CELF4: variants seen among roughly 807,000 people sequenced by gnomAD.
CELF4 encodes the protein CUG-BP- and ETR-3-like factor 4.
CELF4 carries 18 observed loss-of-function variants against 59.9 expected under a neutral mutation model. The ratio of observed to expected loss-of-function variants is 0.30; its 90% confidence interval spans 0.21 to 0.45. The LOEUF is 0.45. Among genes scored for constraint, CELF4 ranks in the 20% least tolerant of loss-of-function variants. CELF4 has a pLI of 1.00. For synonymous variants in CELF4, 261 were observed against 267.1 expected, an observed-to-expected ratio of 0.98 and a Z score of 0.22; for missense variants, 456 against 689.0, an observed-to-expected ratio of 0.66 and a Z score of 3.79.
chr18:37,341,993 C>G (rs563277940), intron 2 of CELF4, among the ~76,000 whole-genome samples: 4 of 152,174 alleles, frequency 2.6e-5, no homozygotes, highest in African/African-American at 9.6e-5. Flanking sequence ...TGGATGTCTG[C>G]AGGTTGCATG....
intron 3 of CELF4, among the ~76,000 whole-genome samples, chr18:37,281,361 A>G (rs1252952218): frequency 4.6e-5 from 7 of 152,248 alleles, no homozygotes; most frequent in Non-Finnish European, 1.0e-4. Context: ...ATCAGCATTA[A>G]ACAATATTTC....
chr18:37,291,470 C>T (rs1173935088), intron 3 of CELF4, among the ~76,000 whole-genome samples: 1 of 152,152 alleles, frequency 6.6e-6, no homozygotes, highest in African/African-American at 2.4e-5. Context: ...CTGCCTTCAG[C>T]GAAGATAAAA....
intron 2 of CELF4, among the ~76,000 whole-genome samples, chr18:37,438,748 C>T (rs1048725179): frequency 1.3e-5 from 2 of 152,206 alleles, no homozygotes; most frequent in African/African-American, 4.8e-5. Context: ...ATAAATGAAA[C>T]ACCTTTCATA....
intron 2 of CELF4, among the ~76,000 whole-genome samples, chr18:37,401,665 C>T (rs1201847815): frequency 6.6e-6 from 1 of 152,242 alleles, no homozygotes; most frequent in African/African-American, 2.4e-5. Flanking sequence ...TTCTACCACT[C>T]CATGACATGG....
At chr18:37,489,184 C>T (rs542267633) in intron 1 of CELF4, among the ~76,000 whole-genome samples, 5 of 152,382 alleles carry the variant, frequency 3.3e-5, no homozygotes, top group African/African-American at 7.2e-5. Flanking sequence ...TCCGATGCAG[C>T]GGCTGACACG....
chr18:37,293,643 T>A (rs2095476129), intron 3 of CELF4, among the ~76,000 whole-genome samples: 1 of 152,218 alleles, frequency 6.6e-6, no homozygotes, highest in Non-Finnish European at 1.5e-5. Flanking sequence ...ACTGTCCTTA[T>A]TCCTGCAGGA....
rs548572793 is a variant in CELF4 at position 37,297,366 on chromosome 18, T to A, written c.449-22123A>T. On this transcript the variant is annotated intron_variant, in intron 3 of 12. Transcript: ENST00000420428. Reference sequence around the variant, plus strand: ...TCTTTTAAAATGCAAGATCACTTTATCCAAGCAGTCAGCCTCTCACGCTTT... The same window carrying A: ...TCTTTTAAAATGCAAGATCACTTTAACCAAGCAGTCAGCCTCTCACGCTTT... Among the ~76,000 whole-genome samples, 29 of 152,292 alleles carry A rather than the reference T, an allele frequency of 1.9e-4. No individual in the cohort carries two copies. The East Asian group carries it at 5.4e-3, about 28-fold the overall frequency.
intron 1 of CELF4, among the ~76,000 whole-genome samples, chr18:37,500,592 G>A (rs1366959647): frequency 6.7e-6 from 1 of 149,326 alleles, no homozygotes; most frequent in Non-Finnish European, 1.5e-5. Flanking sequence ...GGAGTGCAGT[G>A]GTGCTATCTG....
At position 37,565,350 on chromosome 18, in the gene CELF4, A is replaced by G; in HGVS notation, c.286+6T>C. ...CGGCAAAGTTGGGAGGGAAAGGTGT[A>G]CTCACCTTTGTGCATGCCTGTGAAC... On this transcript the variant is annotated splice_donor_region_variant and intron_variant, in intron 1 of 12. Transcript: ENST00000420428. 6.6e-7 allele frequency: 1 copy of G among 1,509,372 alleles called. No homozygotes were observed. The highest frequency in any genetic ancestry group is 8.9e-7 in the Non-Finnish European group (1 of 1,123,504). The allele number at this position is 1,509,372 out of a possible 1,614,324, so 93.5% of individuals were successfully genotyped here. A position where few individuals can be genotyped will look rare whatever the true frequency, so the allele number is the denominator to read the frequency against.
At chr18:37,451,405 G>A (rs2099763478) in intron 2 of CELF4, among the ~76,000 whole-genome samples, 1 of 152,184 alleles carries the variant, frequency 6.6e-6, no homozygotes, top group Admixed American at 6.5e-5. Flanking sequence ...CTCTGTGCAT[G>A]TGGTTGTGTA....
chr18:37,524,094 C>T (rs2099960706), intron 1 of CELF4, among the ~76,000 whole-genome samples: 1 of 152,250 alleles, frequency 6.6e-6, no homozygotes, highest in African/African-American at 2.4e-5. Context: ...TAATATTTGA[C>T]TGTCACCAGG....
At chr18:37,388,112 G>T (rs2099118975) in intron 2 of CELF4, among the ~76,000 whole-genome samples, 1 of 152,094 alleles carries the variant, frequency 6.6e-6, no homozygotes, top group Non-Finnish European at 1.5e-5. Flanking sequence ...ATCCTTTGGG[G>T]CAGGTTTCAT....
At chr18:37,423,521 G>A (rs1478190225) in intron 2 of CELF4, among the ~76,000 whole-genome samples, 1 of 152,108 alleles carries the variant, frequency 6.6e-6, no homozygotes, top group Non-Finnish European at 1.5e-5. Flanking sequence ...TCTTGGTGGA[G>A]AGCAGGGGTG....
chr18:37,311,193 C>T (rs565793664), intron 3 of CELF4, among the ~76,000 whole-genome samples: 4 of 152,324 alleles, frequency 2.6e-5, no homozygotes, highest in African/African-American at 7.2e-5. Context: ...TCAACACCCC[C>T]TCCCACAGCT....
chr18:37,490,665 T>C (rs1033774657), intron 1 of CELF4, among the ~76,000 whole-genome samples: 4 of 152,146 alleles, frequency 2.6e-5, no homozygotes, highest in Non-Finnish European at 5.9e-5. Context: ...TTCTGGTTCT[T>C]TGGCCCTGAG....
intron 2 of CELF4, among the ~76,000 whole-genome samples, chr18:37,365,647 G>A (rs536058095): frequency 6.6e-6 from 1 of 151,980 alleles, no homozygotes; most frequent in Admixed American, 6.6e-5. Context: ...CGCCACACTC[G>A]GCTAATTTTT....
chr18:37,461,106 A>G (rs1398250020), intron 2 of CELF4, among the ~76,000 whole-genome samples: 1 of 152,184 alleles, frequency 6.6e-6, no homozygotes, highest in Non-Finnish European at 1.5e-5. Flanking sequence ...GCTTGGGAGA[A>G]GGTATCTAAG....
intron 1 of CELF4, among the ~76,000 whole-genome samples, chr18:37,537,890 C>A (rs1323714736): frequency 6.6e-6 from 1 of 152,214 alleles, no homozygotes; most frequent in East Asian, 1.9e-4. Context: ...ACATGGAAGC[C>A]GCGGACGTGA....
intron 2 of CELF4, among the ~76,000 whole-genome samples, chr18:37,384,129 T>C (rs554915770): frequency 6.6e-6 from 1 of 152,136 alleles, no homozygotes; most frequent in East Asian, 1.9e-4. Flanking sequence ...ATGGATTGAT[T>C]GATTGACGAG....
Sources: allele counts gnomAD v4.1 joint callset (sites outside exome capture counted in the v4.1 genomes callset), GRCh38; gene constraint gnomAD v4.1.1; transcripts MANE v1.5; gene names NCBI Gene and HGNC (gene_info 2026-07-23, HGNC 2026-07-21).